Variants in ZNF724 observed in about 807,000 individuals in gnomAD.
ZNF724 encodes zinc finger protein 724 pseudogene.
Under a neutral mutation model 29.3 loss-of-function variants are expected in ZNF724, and 14 were observed. The observed-to-expected ratio is 0.48, with a 90% CI of 0.32 to 0.75. ZNF724 has a LOEUF of 0.75. Ranked by LOEUF, ZNF724 falls within the 30% of genes least tolerant of loss-of-function variation. The pLI is 0.04. For missense variants in ZNF724, 557 were observed against 571.2 expected, an observed-to-expected ratio of 0.98 and a Z score of 0.25; for synonymous variants, 180 against 193.6, an observed-to-expected ratio of 0.93 and a Z score of 0.58.
intron 1 of ZNF724, among the ~76,000 whole-genome samples, chr19:23,238,418 C>T (rs1222443436): frequency 6.6e-6 from 1 of 152,024 alleles, no homozygotes; most frequent in Non-Finnish European, 1.5e-5. Context: ...GTTCTGAGGT[C>T]CTAGATAAAG....
chr19:23,247,690 T>C (rs377129278), intron 1 of ZNF724, among the ~76,000 whole-genome samples: 3 of 152,242 alleles, frequency 2.0e-5, no homozygotes, highest in African/African-American at 7.2e-5. Flanking sequence ...CAATTTTTTT[T>C]CACAAATCTT....
intron 1 of ZNF724, among the ~76,000 whole-genome samples, chr19:23,242,906 G>A (rs2145792292): frequency 6.6e-6 from 1 of 150,468 alleles, no homozygotes; most frequent in Admixed American, 6.6e-5. Flanking sequence ...AGGTGTGGTG[G>A]CACATGCCTG....
chr19:23,229,414 ACT>A (rs1473996440), intron 3 of ZNF724, among the ~76,000 whole-genome samples: 2 of 152,048 alleles, frequency 1.3e-5, no homozygotes, highest in African/African-American at 4.8e-5. Flanking sequence ...CAGTTCCATG[ACT>A]CAGTTCAAGG....
Position 23,223,039 on chromosome 19 carries a change from G to T in ZNF724, c.1206C>A (p.Ala402=). 7.7e-7 allele frequency: 1 copy of T among 1,295,016 alleles called. No individual in the cohort carries two copies. The highest frequency in any genetic ancestry group is 1.1e-6 in the Non-Finnish European group (1 of 893,050). The allele number at this position is 1,295,016 out of a possible 1,614,324, so 80.2% of individuals were successfully genotyped here. A position where few individuals can be genotyped will look rare whatever the true frequency, so the allele number is the denominator to read the frequency against. Residue 402 remains alanine (A), a synonymous_variant, in exon 4 of 4, where the codon GCC becomes GCA. Transcript: ENST00000418100. The stretch of plus-strand genomic sequence containing the variant: ...TGGTGAGGTGTGAGGATGTGTTAAA[G>T]GCTTTGCCACATTCTTCACATTTGT... The part of the protein sequence containing the change: ...KPYKCEECGK[A]FNTSSHLTTH...
chr19:23,244,880 C>A (rs923311054), intron 1 of ZNF724, among the ~76,000 whole-genome samples: 2 of 152,124 alleles, frequency 1.3e-5, no homozygotes, highest in East Asian at 3.9e-4. Flanking sequence ...TAGTGCTATA[C>A]ACAGTACTTA....
At chr19:23,250,132 C>T in intron 1 of ZNF724, 108 bp downstream of exon 1, 1 of 550,836 alleles carries the variant, frequency 1.8e-6, no homozygotes, top group South Asian at 1.4e-5. Context: ...ACTCAGGGCG[C>T]AGTTTGTGGA....
chr19:23,239,238 A>G (rs1367861706), intron 1 of ZNF724, among the ~76,000 whole-genome samples: 1 of 152,236 alleles, frequency 6.6e-6, no homozygotes, highest in Non-Finnish European at 1.5e-5. Context: ...TGGCATCTAT[A>G]GAACTGTCCA....
intron 1 of ZNF724, among the ~76,000 whole-genome samples, chr19:23,238,365 C>CAAA (rs1396201515): frequency 6.6e-6 from 1 of 151,648 alleles, no homozygotes; most frequent in African/African-American, 2.4e-5. Context: ...CCTCAAAAAA[C>CAAA]AAAAAACAAA....
At position 23,223,537 on chromosome 19, in the gene ZNF724, G is replaced by C. The variant is rs1971764615; in HGVS notation, c.708C>G (p.Asn236Lys). 1 of 738,168 alleles carries C rather than the reference G, an allele frequency of 1.4e-6. No homozygotes were observed. The highest frequency in any genetic ancestry group is 2.5e-6 in the Non-Finnish European group (1 of 397,392). The allele number at this position is 738,168 out of a possible 1,614,324, so 45.7% of individuals were successfully genotyped here. Residue 236 changes from asparagine (N) to lysine (K), a missense_variant, in exon 4 of 4, where the codon AAC becomes AAG. Asn to Lys is a moderately conservative substitution (Grantham distance 94, BLOSUM62 0). Around this residue, in one of 3 missense-constraint regions of ZNF724, gnomAD observed 362 missense variants for 295.5 expected, o/e 1.22. Coordinates refer to ENST00000418100, the MANE Select transcript of ZNF724 (RefSeq NM_001355404.2). ...TATGTGTGTTAAGGTGTGAGGACTT[G>C]TTAAAGGCTATGCCACATTCTTCAC... ...YKCEECGIAF[N>K]KSSHLNTHKI...
At chr19:23,233,241 A>G (rs1034995474) in intron 1 of ZNF724, among the ~76,000 whole-genome samples, 9 of 152,216 alleles carry the variant, frequency 5.9e-5, no homozygotes, top group Non-Finnish European at 1.0e-4. Context: ...CTTCTATTCA[A>G]GATACCTGTA....
At chr19:23,228,897 CAAAAAAAA>C (rs60328213) in intron 3 of ZNF724, among the ~76,000 whole-genome samples, 1 of 114,642 alleles carries the variant, frequency 8.7e-6, no homozygotes, top group Non-Finnish European at 1.9e-5. Context: ...GCCCCACTTC[CAAAAAAAA>C]AAAAAAAAAT....
chr19:23,228,751 T>A (rs534799278), intron 3 of ZNF724, among the ~76,000 whole-genome samples: 1 of 151,936 alleles, frequency 6.6e-6, no homozygotes, highest in South Asian at 2.1e-4. Context: ...ATACAAAAAT[T>A]AGCCAGGTGT....
intron 1 of ZNF724, among the ~76,000 whole-genome samples, chr19:23,241,190 C>T (rs374541152): frequency 1.6e-4 from 24 of 152,234 alleles, no homozygotes; most frequent in African/African-American, 5.5e-4. Context: ...CAAACAAATT[C>T]TCTCAAGACC....
intron 1 of ZNF724, among the ~76,000 whole-genome samples, chr19:23,233,065 C>A (rs1367082031): frequency 6.6e-6 from 1 of 152,094 alleles, no homozygotes; most frequent in Non-Finnish European, 1.5e-5. Flanking sequence ...CAAATTTTTA[C>A]GGTGTGCTAA....
intron 2 of ZNF724, 104 bp downstream of exon 2, chr19:23,232,063 C>G: frequency 1.0e-6 from 1 of 986,304 alleles, no homozygotes; most frequent in Non-Finnish European, 1.6e-6. Flanking sequence ...AAATAGAGAT[C>G]TGATACTCAT....
intron 1 of ZNF724, among the ~76,000 whole-genome samples, chr19:23,233,947 A>G (rs1198281120): frequency 6.6e-6 from 1 of 152,170 alleles, no homozygotes; most frequent in African/African-American, 2.4e-5. Context: ...AAGGACCAAG[A>G]CCCTCAGAAA....
At chr19:23,244,836 A>C (rs1346425091) in intron 1 of ZNF724, among the ~76,000 whole-genome samples, 1 of 152,036 alleles carries the variant, frequency 6.6e-6, no homozygotes, top group Non-Finnish European at 1.5e-5. Flanking sequence ...AAAATTCAGG[A>C]CTCCCATAAA....
chr19:23,226,342 C>T (rs1032326338), intron 3 of ZNF724, among the ~76,000 whole-genome samples: 2 of 152,140 alleles, frequency 1.3e-5, no homozygotes, highest in African/African-American at 2.4e-5. Flanking sequence ...TGAGCCACCA[C>T]GCCCAGCCCG....
rs1259298719 is a variant in ZNF724, at chr19:23,223,026, A to T, written c.1219T>A (p.Ser407Thr). ...EECGKAFNTS[S>T]HLTTHKRIHT... ...ATTCTTTTATGTGTGGTGAGGTGTG[A>T]GGATGTGTTAAAGGCTTTGCCACAT... is the stretch of plus-strand genomic sequence containing the variant. The change falls in exon 4 of 4, where the codon TCA becomes ACA. Residue 407 changes from serine to threonine, a missense_variant. Physicochemically the swap from Ser to Thr is moderately conservative, Grantham distance 58. This residue lies in a region of ZNF724 where 362 missense variants were observed against 295.5 expected (regional missense o/e 1.22). Transcript: ENST00000418100. 2 of 1,327,778 alleles carry T rather than the reference A, an allele frequency of 1.5e-6. No individual in the cohort carries two copies. Among genetic ancestry groups the T allele is most frequent in the East Asian group, 4.6e-5 (2 of 43,546 alleles). 82.2% of individuals were successfully genotyped at this position (1,327,778 alleles called of 1,614,324 possible). A position where few individuals can be genotyped will look rare whatever the true frequency, so the allele number is the denominator to read the frequency against.
Sources: allele counts gnomAD v4.1 joint callset (sites outside exome capture counted in the v4.1 genomes callset), GRCh38; gene constraint gnomAD v4.1.1; regional missense constraint gnomAD v4.1.1; transcripts MANE v1.5; gene names NCBI Gene and HGNC (gene_info 2026-07-23, HGNC 2026-07-21).